Variants in ALDH1L1 observed in about 807,000 individuals in gnomAD.
The protein encoded by ALDH1L1 is cytosolic 10-formyltetrahydrofolate dehydrogenase.
ALDH1L1 carries 68 observed loss-of-function variants against 101.1 expected under a neutral mutation model. The observed-to-expected ratio is 0.67, with a 90% CI of 0.55 to 0.82. The LOEUF (loss-of-function observed/expected upper bound fraction) is 0.82. Ranked by LOEUF, ALDH1L1 falls within the 40% of genes least tolerant of loss-of-function variation. ALDH1L1 has a pLI of 0.00. For missense variants in ALDH1L1, 1,087 were observed against 1,172.7 expected (o/e 0.93, Z 1.07); for synonymous variants, 486 against 470.8 (o/e 1.03, Z -0.42).
chr3:126,139,789 CT>C (rs1364268929), intron 9 of ALDH1L1, among the ~76,000 whole-genome samples: 6 of 151,946 alleles, frequency 3.9e-5, no homozygotes, highest in Non-Finnish European at 7.4e-5. Flanking sequence ...AAAAAACTCA[CT>C]AAAGAGGTTC....
chr3:126,113,349 G>A (rs372138033), intron 18 of ALDH1L1, among the ~76,000 whole-genome samples: 22 of 152,336 alleles, frequency 1.4e-4, no homozygotes, highest in African/African-American at 4.1e-4. Flanking sequence ...GTGGGACACA[G>A]GCAGGCAGCC....
intron 14 of ALDH1L1, chr3:126,128,278 T>C (rs2365004): frequency 0.64 from 96,810 of 152,132 alleles, 30,903 homozygotes; most frequent in Middle Eastern, 0.72. Context: ...CTCCTCTTAG[T>C]CCCATTACCC....
chr3:126,131,263 C>T, intron 13 of ALDH1L1, 121 bp downstream of exon 13: 2 of 1,287,432 alleles, frequency 1.6e-6, no homozygotes, highest in Non-Finnish European at 2.1e-6. Flanking sequence ...GGTGTCATTC[C>T]AAGCCACCAG....
At chr3:126,136,726 T>G in intron 11 of ALDH1L1, 38 bp downstream of exon 11, 1 of 1,553,392 alleles carries the variant, frequency 6.4e-7, no homozygotes, top group Non-Finnish European at 8.7e-7. Flanking sequence ...ACAGGGAGGC[T>G]GGGGAATGTG....
chr3:126,196,029 T>A (rs1424512995), intron 1 of ALDH1L1, among the ~76,000 whole-genome samples: 1 of 152,042 alleles, frequency 6.6e-6, no homozygotes, highest in Non-Finnish European at 1.5e-5. Context: ...AGTTAATGGG[T>A]GCAGCACACC....
chr3:126,160,533 G>T (rs77457763), intron 2 of ALDH1L1: 4,334 of 290,492 alleles, frequency 0.015, 186 homozygotes, highest in African/African-American at 0.086. Flanking sequence ...TCAGAACATG[G>T]AGACCTTCCC....
chr3:126,180,688 G>C (rs927523460), upstream of ALDH1L1: 57 of 1,378,304 alleles, frequency 4.1e-5, no homozygotes, highest in Middle Eastern at 1.9e-3. Flanking sequence ...CACCGGTGGT[G>C]GGACTATGGC....
At chr3:126,114,791 A>ACCCCCCCCCCCCC in intron 17 of ALDH1L1, 135 bp from the exon 18 acceptor site, 1 of 600,068 alleles carries the variant, frequency 1.7e-6, no homozygotes, top group South Asian at 1.9e-5. Context: ...GTGCCTCCCC[A>ACCCCCCCCCCCCC]CTCCCCCCCA....
intron 1 of ALDH1L1, among the ~76,000 whole-genome samples, chr3:126,195,492 G>A (rs1000651300): frequency 8.5e-5 from 13 of 152,122 alleles, no homozygotes; most frequent in Non-Finnish European, 1.3e-4. Context: ...GGAGAAATAC[G>A]AACACTTTTA....
At chr3:126,128,041 C>T (rs2080223617) in intron 14 of ALDH1L1, among the ~76,000 whole-genome samples, 1 of 152,104 alleles carries the variant, frequency 6.6e-6, no homozygotes, top group South Asian at 2.1e-4. Flanking sequence ...GGGTGGAGGG[C>T]CTGGGATCCG....
At chr3:126,184,091 G>A (rs1247585885), upstream of ALDH1L1, among the ~76,000 whole-genome samples, 1 of 152,198 alleles carries the variant, frequency 6.6e-6, no homozygotes, top group African/African-American at 2.4e-5. Flanking sequence ...GGAAGTAACT[G>A]TGTGATTTCC....
rs755422577 is a variant in ALDH1L1 at position 126,158,471 on chromosome 3, C to CG, written c.295dup (p.Arg99ProfsTer14). On this transcript the variant is annotated frameshift_variant, in exon 3 of 23. Coordinates refer to ENST00000393434, the MANE Select transcript of ALDH1L1 (RefSeq NM_012190.4). LOFTEE classifies it high-confidence loss of function. ...CGGGTGATAGATGATGGAGCCATGC[C>CG]GGGGGGCACTGATTATCTCCATGGG... is the stretch of plus-strand genomic sequence containing the variant. 1.2e-6 allele frequency: 2 copies of CG among 1,613,778 alleles called. No homozygotes were observed. Among genetic ancestry groups the CG allele is most frequent in the East Asian group, 4.5e-5 (2 of 44,858 alleles).
chr3:126,162,343 T>C (rs573378477), intron 1 of ALDH1L1, among the ~76,000 whole-genome samples: 8 of 152,224 alleles, frequency 5.3e-5, no homozygotes, highest in Non-Finnish European at 1.0e-4. Context: ...CTTTGGCTTG[T>C]GTCTTCATTT....
intron 9 of ALDH1L1, among the ~76,000 whole-genome samples, chr3:126,145,840 T>G (rs1311280279): frequency 6.6e-6 from 1 of 152,170 alleles, no homozygotes; most frequent in Non-Finnish European, 1.5e-5. Flanking sequence ...TTTGCCACAT[T>G]TTTTTTAAAA....
chr3:126,194,705 G>T (rs960419193), intron 1 of ALDH1L1, among the ~76,000 whole-genome samples: 1 of 151,972 alleles, frequency 6.6e-6, no homozygotes, highest in African/African-American at 2.4e-5. Flanking sequence ...CAGACCCTTA[G>T]CTTTTTCTTA....
chr3:126,117,160 G>T (rs913482615), intron 17 of ALDH1L1, among the ~76,000 whole-genome samples: 1 of 150,928 alleles, frequency 6.6e-6, no homozygotes, highest in African/African-American at 2.4e-5. Flanking sequence ...TAGGAGGATC[G>T]CATGAGCCAG....
At chr3:126,169,255 TAAGTA>T (rs915448686) in intron 1 of ALDH1L1, among the ~76,000 whole-genome samples, 8 of 152,204 alleles carry the variant, frequency 5.3e-5, no homozygotes, top group African/African-American at 2.4e-5. Context: ...TTCTAACAAC[TAAGTA>T]AAGTATACTC....
intron 1 of ALDH1L1, among the ~76,000 whole-genome samples, chr3:126,178,594 C>T (rs910107873): frequency 6.6e-6 from 1 of 151,800 alleles, no homozygotes; most frequent in Admixed American, 6.6e-5. Context: ...AAAATACAGT[C>T]CAATTGGGTT....
upstream of ALDH1L1, chr3:126,181,539 C>G (rs2081474965): frequency 6.1e-6 from 1 of 163,360 alleles, no homozygotes; most frequent in South Asian, 1.6e-4. Flanking sequence ...GATGCAGAGC[C>G]TTAGAGAGGC....
Sources: gnomAD v4.1 joint callset for allele counts (sites outside exome capture counted in the v4.1 genomes callset) on GRCh38, gnomAD v4.1.1 for gene constraint, MANE v1.5 for transcripts, NCBI Gene and HGNC (gene_info 2026-07-23, HGNC 2026-07-21) for gene names.